ARSD: variants seen among roughly 807,000 people sequenced by gnomAD.
ARSD encodes arylsulfatase D.
Under a neutral mutation model 32.6 loss-of-function variants are expected in ARSD, and 21 were observed. That is an observed-to-expected ratio of 0.64 (90% CI 0.46 to 0.93). ARSD has a LOEUF of 0.93. Among genes scored for constraint, ARSD ranks in the 40% least tolerant of loss-of-function variants. ARSD has a pLI of 0.00. For synonymous variants in ARSD, 224 were observed against 237.4 expected, an observed-to-expected ratio of 0.94 and a Z score of 0.52; for missense variants, 454 against 520.9, an observed-to-expected ratio of 0.87 and a Z score of 1.25.
At chrX:2,927,298 C>T (rs1051922214) in intron 1 of ARSD, among the ~76,000 whole-genome samples, 4 of 107,336 alleles carry the variant, frequency 3.7e-5, no homozygotes, top group Admixed American at 1.0e-4. Flanking sequence ...TCACTCTTGT[C>T]GCCCAGGCTG....
intron 6 of ARSD, chrX:2,913,724 TAGA>T (rs1461278791): frequency 3.1e-6 from 3 of 956,440 alleles, no homozygotes; most frequent in Non-Finnish European, 4.0e-6. Context: ...ATTGGCTGTG[TAGA>T]AGGTTGACAA....
chrX:2,922,842 C>CAAAAAAAAAAAAAAAAAAAAAAAAAAAAA (rs60380048), intron 2 of ARSD, among the ~76,000 whole-genome samples: 1 of 43,723 alleles, frequency 2.3e-5, no homozygotes, highest in African/African-American at 1.1e-4. Context: ...GACCGTGTCT[C>CAAAAAAAAAAAAAAAAAAAAAAAAAAAAA]AAAAAAAAAA....
chrX:2,920,520 G>A (rs776769983), intron 4 of ARSD, 81 bp downstream of exon 4: 94 of 1,170,779 alleles, frequency 8.0e-5, no homozygotes, highest in African/African-American at 2.5e-4. Context: ...ACAGGCGTGC[G>A]CCACCACGCC....
intron 4 of ARSD, among the ~76,000 whole-genome samples, chrX:2,919,095 G>T (rs1370870444): frequency 9.2e-6 from 1 of 109,224 alleles, no homozygotes; most frequent in Non-Finnish European, 1.9e-5. Flanking sequence ...CCAGTGTAGG[G>T]GACAGAGCAA....
chrX:2,919,094 G>A (rs1012907068), intron 4 of ARSD, among the ~76,000 whole-genome samples: 8 of 109,711 alleles, frequency 7.3e-5, no homozygotes, highest in African/African-American at 2.7e-4. Flanking sequence ...TCCAGTGTAG[G>A]GGACAGAGCA....
Position 2,905,252 on chromosome X carries a change from T to A in ARSD, c.*2019A>T, listed in dbSNP as rs1173049576. 8.3e-6 allele frequency: 2 copies of A among 240,594 alleles called. No individual in the cohort carries two copies. The highest frequency in any genetic ancestry group is 5.9e-5 in the African/African-American group (2 of 34,157). The allele number at this position is 240,594 out of a possible 1,213,427, so 19.8% of individuals were successfully genotyped here. On this transcript the variant is annotated 3_prime_UTR_variant, in exon 10 of 10. Coordinates refer to ENST00000381154, the MANE Select transcript of ARSD (RefSeq NM_001669.4). ...ATGTCCTTAGAATCCCATCCTCACC[T>A]AATACCTGGTATTGAACACTGCCTT...
intron 1 of ARSD, among the ~76,000 whole-genome samples, chrX:2,926,203 G>C (rs1042014068): frequency 1.8e-5 from 2 of 111,703 alleles, no homozygotes; most frequent in African/African-American, 6.5e-5. Flanking sequence ...TTCCTCTGGA[G>C]CCTCGGTGAA....
intron 6 of ARSD, chrX:2,913,868 C>T: frequency 4.6e-6 from 2 of 431,770 alleles, no homozygotes; most frequent in Non-Finnish European, 6.2e-6. Flanking sequence ...CACCATCCCC[C>T]GCTTGGTGCT....
In ARSD at chrX:2,907,486, G is replaced by A; in HGVS notation, c.1567C>T (p.Pro523Ser). 1 of 1,206,908 alleles carries A rather than the reference G, an allele frequency of 8.3e-7. No individual in the cohort carries two copies. The highest frequency in any genetic ancestry group is 1.1e-6 in the Non-Finnish European group (1 of 892,879). Residue 523 changes from proline to serine, a missense_variant, in exon 10 of 10, where the codon CCC becomes TCC. Transcript: ENST00000381154. The part of the protein sequence containing the change: ...PPLLFDLSRD[P>S]SEARPLTPDS... Reference sequence around the variant, plus strand: ...GGGGTCAGGGGCCGTGCCTCGGAGGGGTCCCTGGAGAGGTCAAAGAGCAAA... The same window carrying A: ...GGGGTCAGGGGCCGTGCCTCGGAGGAGTCCCTGGAGAGGTCAAAGAGCAAA...
chrX:2,916,369 G>T (rs113892179), intron 5 of ARSD, among the ~76,000 whole-genome samples: 7,470 of 108,860 alleles, frequency 0.069, 561 homozygotes, highest in African/African-American at 0.22. Flanking sequence ...GGGGTGGCAG[G>T]TGCCTGTAAT....
At chrX:2,912,676 CGT>C (rs1569086840) in intron 6 of ARSD, among the ~76,000 whole-genome samples, 1 of 110,977 alleles carries the variant, frequency 9.0e-6, no homozygotes, top group Non-Finnish European at 1.9e-5. Flanking sequence ...AACATAGTGC[CGT>C]GTGTGTGTGT....
chrX:2,923,730 G>A (rs1338905018), intron 2 of ARSD, among the ~76,000 whole-genome samples: 1 of 111,618 alleles, frequency 9.0e-6, no homozygotes, highest in Non-Finnish European at 1.9e-5. Flanking sequence ...CCTGAATCAC[G>A]TCTCTAAAGA....
In ARSD at chrX:2,907,394, C is replaced by T; in HGVS notation, c.1659G>A (p.Gln553=). Residue 553 remains glutamine (Q), a synonymous_variant, in exon 10 of 10, where the codon CAG becomes CAA. Coordinates refer to ENST00000381154, the MANE Select transcript of ARSD (RefSeq NM_001669.4). ...ACTGCTGGGGCACAGGACTCAGGGT[C>T]TGCCGATGCTCCGACACCGCGGCAC... ...RVGAAVSEHR[Q]TLSPVPQQFS... 8.2e-7 allele frequency: 1 copy of T among 1,212,160 alleles called. No individual in the cohort carries two copies. Among genetic ancestry groups the T allele is most frequent in the East Asian group, 3.0e-5 (1 of 33,831 alleles).
At position 2,906,998 on chromosome X, in the gene ARSD, T is replaced by C. The variant is rs1295737464; in HGVS notation, c.*273A>G. The C allele has an allele frequency of 3.2e-5, 8 of 248,698 alleles. No individual in the cohort carries two copies. The East Asian group carries it at 6.4e-4, about 20-fold the overall frequency. 20.5% of individuals were successfully genotyped at this position (248,698 alleles called of 1,213,427 possible). Reference sequence around the variant, plus strand: ...GGTGGCAGGTGCCTGGTGCCTGTAATCCTGGGTACTCAGGAGGCTGAGGCA... The same window carrying C: ...GGTGGCAGGTGCCTGGTGCCTGTAACCCTGGGTACTCAGGAGGCTGAGGCA... On this transcript the variant is annotated 3_prime_UTR_variant, in exon 10 of 10. Transcript: ENST00000381154.
chrX:2,914,657 G>A (rs370958352), intron 6 of ARSD: 2 of 1,025,373 alleles, frequency 2.0e-6, no homozygotes, highest in Non-Finnish European at 2.6e-6. Flanking sequence ...AGCCTCACTG[G>A]TCCTCTCCAG....
At chrX:2,918,433 G>C (rs2088994654) in intron 4 of ARSD, among the ~76,000 whole-genome samples, 1 of 112,902 alleles carries the variant, frequency 8.9e-6, no homozygotes, top group Non-Finnish European at 1.9e-5. Flanking sequence ...ATCCATGTCA[G>C]AACCCTTGGC....
At chrX:2,917,141 T>C (rs1180813664) in intron 5 of ARSD, among the ~76,000 whole-genome samples, 10 of 109,953 alleles carry the variant, frequency 9.1e-5, no homozygotes, top group Non-Finnish European at 1.7e-4. Context: ...ATCTTAGCCC[T>C]TTGGGAGGCC....
Position 2,904,689 on chromosome X carries a change from C to T in ARSD, c.*2582G>A. The stretch of plus-strand genomic sequence containing the variant: ...AGGTAGCTAGAAAGAGCCTGCCAGC[C>T]CTGGGCTTATATCCTGCTTCCCAGG... On this transcript the variant is annotated 3_prime_UTR_variant, in exon 10 of 10. Transcript: ENST00000381154. 7.2e-6 allele frequency: 1 copy of T among 139,522 alleles called. No homozygotes were observed. The allele number at this position is 139,522 out of a possible 1,213,427, so 11.5% of individuals were successfully genotyped here.
At chrX:2,915,459 T>G in intron 6 of ARSD, 97 bp downstream of exon 6, 1 of 1,136,824 alleles carries the variant, frequency 8.8e-7, no homozygotes, top group Non-Finnish European at 1.2e-6. Flanking sequence ...TTATTCTTTA[T>G]TGCAAGTTGG....
Sources: allele counts gnomAD v4.1 joint callset (sites outside exome capture counted in the v4.1 genomes callset), GRCh38; gene constraint gnomAD v4.1.1; transcripts MANE v1.5; gene names NCBI Gene and HGNC (gene_info 2026-07-23, HGNC 2026-07-21).